Variants in AKAP19 observed in about 807,000 individuals in gnomAD.
AKAP19 encodes small A-kinase anchoring protein.
the AKAP19 span, among the ~76,000 whole-genome samples, chr2:190,019,278 C>A: frequency 2.6e-5 from 4 of 152,176 alleles, no homozygotes; most frequent in African/African-American, 9.6e-5. Context: ...CTGGGAAGAG[C>A]TTGGGGTGGT....
At chr2:190,016,104 C>G in the AKAP19 span, among the ~76,000 whole-genome samples, 1 of 152,234 alleles carries the variant, frequency 6.6e-6, no homozygotes, top group Non-Finnish European at 1.5e-5. Flanking sequence ...GTTCCAACCT[C>G]TGCGTGTTAC....
At chr2:190,145,421 T>A in the AKAP19 span, among the ~76,000 whole-genome samples, 2 of 152,212 alleles carry the variant, frequency 1.3e-5, no homozygotes, top group Non-Finnish European at 2.9e-5. Context: ...AACAAAAAAA[T>A]TGCAGTTGAT....
chr2:190,022,845 T>C, the AKAP19 span, among the ~76,000 whole-genome samples: 6 of 152,178 alleles, frequency 3.9e-5, no homozygotes, highest in Non-Finnish European at 8.8e-5. Flanking sequence ...TCATTACTCC[T>C]AATCTGGAGC....
At chr2:189,894,765 G>A in the AKAP19 span, among the ~76,000 whole-genome samples, 2 of 151,074 alleles carry the variant, frequency 1.3e-5, no homozygotes, top group South Asian at 4.2e-4. Context: ...GCTTGAAATA[G>A]TCTCATTTTC....
At chr2:190,093,443 G>T in the AKAP19 span, among the ~76,000 whole-genome samples, 244 of 138,156 alleles carry the variant, frequency 1.8e-3, 2 homozygotes, top group African/African-American at 6.4e-3. Flanking sequence ...AAAAAAAAAA[G>T]AAAACAAGTA....
chr2:189,994,408 T>TTTCA, the AKAP19 span, among the ~76,000 whole-genome samples: 1 of 151,966 alleles, frequency 6.6e-6, no homozygotes, highest in Non-Finnish European at 1.5e-5. Context: ...GTTTATGCTC[T>TTTCA]TTCAGAATTT....
At chr2:189,895,047 A>C in the AKAP19 span, among the ~76,000 whole-genome samples, 89 of 152,224 alleles carry the variant, frequency 5.8e-4, no homozygotes, top group Non-Finnish European at 9.0e-4. Context: ...AAAAAAACAA[A>C]AAAGTGACTT....
At chr2:190,084,190 T>C in the AKAP19 span, among the ~76,000 whole-genome samples, 1 of 150,040 alleles carries the variant, frequency 6.7e-6, no homozygotes, top group Non-Finnish European at 1.5e-5. Context: ...CCTCCTGGGC[T>C]CAAGGAATTC....
At chr2:190,163,616 T>C in the AKAP19 span, among the ~76,000 whole-genome samples, 5 of 152,288 alleles carry the variant, frequency 3.3e-5, no homozygotes, top group East Asian at 3.9e-4. Context: ...CAACTAGGAA[T>C]TGGAAATACT....
the AKAP19 span, among the ~76,000 whole-genome samples, chr2:189,947,402 T>A: frequency 1.3e-5 from 2 of 152,150 alleles, no homozygotes; most frequent in Non-Finnish European, 2.9e-5. Context: ...TTTTTATAAG[T>A]ATACAATTTT....
At chr2:190,193,293 C>T in the AKAP19 span, among the ~76,000 whole-genome samples, 1 of 151,994 alleles carries the variant, frequency 6.6e-6, no homozygotes, top group Non-Finnish European at 1.5e-5. Flanking sequence ...TGGTATAAAT[C>T]CACTCAGTCA....
the AKAP19 span, among the ~76,000 whole-genome samples, chr2:190,144,062 C>T: frequency 6.8e-6 from 1 of 146,476 alleles, no homozygotes; most frequent in South Asian, 2.3e-4. Context: ...GGGAGATATA[C>T]CTAATGGTGG....
the AKAP19 span, among the ~76,000 whole-genome samples, chr2:189,946,972 T>C: frequency 6.6e-6 from 1 of 152,246 alleles, no homozygotes; most frequent in Non-Finnish European, 1.5e-5. Flanking sequence ...GATTCAAATC[T>C]CAGCTTTGTC....
the AKAP19 span, among the ~76,000 whole-genome samples, chr2:190,146,611 C>A: frequency 6.6e-6 from 1 of 152,202 alleles, no homozygotes; most frequent in East Asian, 1.9e-4. Flanking sequence ...AGTTTACATT[C>A]CCATCAGCAA....
At chr2:190,028,960 G>T in the AKAP19 span, among the ~76,000 whole-genome samples, 2 of 152,152 alleles carry the variant, frequency 1.3e-5, no homozygotes, top group African/African-American at 4.8e-5. Flanking sequence ...AAAGATAGAA[G>T]ATATGGAGCT....
chr2:190,200,729 T>TAG, the AKAP19 span: 4 of 168,660 alleles, frequency 2.4e-5, no homozygotes, highest in African/African-American at 9.7e-5. Context: ...CTCAGGGCCC[T>TAG]AACTAATTAC....
At chr2:190,031,739 G>A in the AKAP19 span, among the ~76,000 whole-genome samples, 1 of 152,152 alleles carries the variant, frequency 6.6e-6, no homozygotes, top group Non-Finnish European at 1.5e-5. Context: ...GCATTGCTGA[G>A]CCTTACCATA....
chr2:190,041,816 A>G, the AKAP19 span, among the ~76,000 whole-genome samples: 1 of 152,154 alleles, frequency 6.6e-6, no homozygotes, highest in East Asian at 1.9e-4. Flanking sequence ...GATGAATCAC[A>G]TTTGTTGATT....
At chr2:190,068,270 C>T in the AKAP19 span, among the ~76,000 whole-genome samples, 4 of 152,126 alleles carry the variant, frequency 2.6e-5, no homozygotes, top group Non-Finnish European at 5.9e-5. Flanking sequence ...ATATTTTGCT[C>T]TTTTTTGTCT....
Sources: allele counts gnomAD v4.1 joint callset (sites outside exome capture counted in the v4.1 genomes callset), GRCh38; gene constraint gnomAD v4.1.1; transcripts MANE v1.5; gene names NCBI Gene and HGNC (gene_info 2026-07-23, HGNC 2026-07-21).